The following PRKN variants were observed in gnomAD, a reference collection of about 807,000 sequenced individuals.
The protein encoded by PRKN is parkin RBR E3 ubiquitin protein ligase.
PRKN carries 56 observed loss-of-function variants against 59.5 expected under a neutral mutation model. The observed-to-expected ratio is 0.94, with a 90% CI of 0.76 to 1.18. The LOEUF is 1.18. PRKN is among the 50% of genes most tolerant of loss of function. The pLI is 0.00. For missense variants in PRKN, 657 were observed against 596.4 expected, an observed-to-expected ratio of 1.10 and a Z score of -1.06; for synonymous variants, 250 against 222.1, an observed-to-expected ratio of 1.13 and a Z score of -1.12.
intron 2 of PRKN, among the ~76,000 whole-genome samples, chr6:162,331,260 C>T (rs1406596217): frequency 6.6e-6 from 1 of 152,144 alleles, no homozygotes; most frequent in Non-Finnish European, 1.5e-5. Context: ...AACCAGGCCC[C>T]TCCTCCAGCA....
Position 161,460,593 on chromosome 6 carries a change from G to A in PRKN, c.1084-73716C>T, listed in dbSNP as rs1209036465. Among the ~76,000 whole-genome samples, 1 of 152,062 alleles carries A rather than the reference G, an allele frequency of 6.6e-6. No homozygotes were observed. Among genetic ancestry groups the A allele is most frequent in the Non-Finnish European group, 1.5e-5 (1 of 68,020 alleles). ...GAAGCCCCAGGTGCCACATGTGCTG[G>A]CAGGAGTTCCGGGGGCACAAGGCCA... On this transcript the variant is annotated intron_variant, in intron 9 of 11. Transcript: ENST00000366898. This position sits in a 1 kb window ranked among gnomAD's most constrained non-coding sequence, Gnocchi z 5.0.
At chr6:162,073,075 TC>T (rs571789666) in intron 4 of PRKN, among the ~76,000 whole-genome samples, 59 of 152,210 alleles carry the variant, frequency 3.9e-4, no homozygotes, top group Middle Eastern at 6.8e-3. Context: ...GAGCTCAGGG[TC>T]AAATAAGATA....
intron 7 of PRKN, among the ~76,000 whole-genome samples, chr6:161,596,805 A>G (rs1386291595): frequency 6.6e-6 from 1 of 152,196 alleles, no homozygotes; most frequent in African/African-American, 2.4e-5. Context: ...ATCTTTGCCT[A>G]CACAATAGTT....
At chr6:162,406,062 C>G (rs528991836) in intron 2 of PRKN, among the ~76,000 whole-genome samples, 24 of 152,274 alleles carry the variant, frequency 1.6e-4, no homozygotes, top group African/African-American at 5.8e-4. Flanking sequence ...TCATTTTTCC[C>G]TAGGTATGAT....
At chr6:162,440,307 T>G (rs1460367671) in intron 2 of PRKN, among the ~76,000 whole-genome samples, 1 of 152,176 alleles carries the variant, frequency 6.6e-6, no homozygotes, top group Non-Finnish European at 1.5e-5. Flanking sequence ...ATTATAATCT[T>G]ACAAATACCC....
intron 1 of PRKN, among the ~76,000 whole-genome samples, chr6:162,540,762 G>C (rs1389097941): frequency 6.7e-6 from 1 of 150,046 alleles, no homozygotes; most frequent in Non-Finnish European, 1.5e-5. Flanking sequence ...AGCCGAGATT[G>C]CGCCATTGCA....
At chr6:162,274,521 A>T (rs966111852) in intron 2 of PRKN, among the ~76,000 whole-genome samples, 3 of 152,048 alleles carry the variant, frequency 2.0e-5, no homozygotes, top group Non-Finnish European at 4.4e-5. Flanking sequence ...TAACTAATAT[A>T]TTGTAGTTCT....
At chr6:162,481,391 T>G (rs1792304955) in intron 1 of PRKN, among the ~76,000 whole-genome samples, 1 of 152,182 alleles carries the variant, frequency 6.6e-6, no homozygotes. Context: ...GCTGATACAT[T>G]TTAAGGTTTC....
rs1320602363 is a variant in PRKN, at chr6:161,466,342, G to GT, written c.1084-79466dup. Among the ~76,000 whole-genome samples, 1 of 151,836 alleles carries GT rather than the reference G, an allele frequency of 6.6e-6. No homozygotes were observed. Among genetic ancestry groups the GT allele is most frequent in the African/African-American group, 2.4e-5 (1 of 41,356 alleles). ...ACTTTTAGTAATTTTCTTCACTTAG[G>GT]TTTTTTTTGATCTCAGCTCTCTGAT... On this transcript the variant is annotated intron_variant, in intron 9 of 11. Coordinates refer to ENST00000366898, the MANE Select transcript of PRKN (RefSeq NM_004562.3). This position sits in a 1 kb window ranked among gnomAD's most constrained non-coding sequence, Gnocchi z 5.0.
rs71004055 is a variant in PRKN at position 161,581,041 on chromosome 6, AACACACACACACACAC to A, written c.872-11641_872-11626del. Among the ~76,000 whole-genome samples, 3 of 137,538 alleles carry A rather than the reference AACACACACACACACAC, an allele frequency of 2.2e-5. No individual in the cohort carries two copies. Among genetic ancestry groups the A allele is most frequent in the Non-Finnish European group, 3.1e-5 (2 of 64,424 alleles). 90.2% of individuals were successfully genotyped at this position (137,538 alleles called of 152,430 possible). On this transcript the variant is annotated intron_variant, in intron 7 of 11. Transcript: ENST00000366898. The surrounding 1 kb of genome is among the most constrained non-coding windows in gnomAD (Gnocchi z 4.5). ...ACACAGTGAAATCCTGTCTCTACTA[AACACACACACACACAC>A]ACACACACACACACACACAAAATAG...
intron 9 of PRKN, among the ~76,000 whole-genome samples, chr6:161,452,035 A>G (rs1383862019): frequency 1.4e-5 from 2 of 146,572 alleles, no homozygotes; most frequent in African/African-American, 5.1e-5. Flanking sequence ...GGCTCACTGC[A>G]CCCTCCCCCT....
chr6:161,477,261 T>C (rs1423421304), intron 9 of PRKN, among the ~76,000 whole-genome samples: 1 of 152,216 alleles, frequency 6.6e-6, no homozygotes, highest in Non-Finnish European at 1.5e-5. Flanking sequence ...CTCACGCCTG[T>C]AATCCCAGCA....
At chr6:162,451,663 C>A (rs1184769144) in intron 1 of PRKN, among the ~76,000 whole-genome samples, 2 of 151,794 alleles carry the variant, frequency 1.3e-5, no homozygotes, top group African/African-American at 2.4e-5. Flanking sequence ...AAATTTAATA[C>A]CCAAATGGAG....
At chr6:162,145,872 T>G (rs1782004596) in intron 4 of PRKN, among the ~76,000 whole-genome samples, 1 of 152,174 alleles carries the variant, frequency 6.6e-6, no homozygotes, top group African/African-American at 2.4e-5. Flanking sequence ...GTTACAAAGT[T>G]GCACTTCTAT....
At chr6:162,019,458 C>G (rs1436306861) in intron 5 of PRKN, among the ~76,000 whole-genome samples, 1 of 152,112 alleles carries the variant, frequency 6.6e-6, no homozygotes. Flanking sequence ...AGGCACCGTT[C>G]AAAACAAGTC....
At chr6:161,703,196 T>A (rs192912714) in intron 7 of PRKN, among the ~76,000 whole-genome samples, 5 of 152,056 alleles carry the variant, frequency 3.3e-5, no homozygotes, top group African/African-American at 9.7e-5. Flanking sequence ...TCTAGTTACA[T>A]GGGAGGCTGA....
In PRKN at chr6:162,713,117, T is replaced by G. The variant is rs192435403; in HGVS notation, c.7+14545A>C. 4.6e-5 allele frequency among the ~76,000 whole-genome samples: 7 copies of G among 152,304 alleles called. No homozygotes were observed. The East Asian group carries it at 1.2e-3, about 25-fold the overall frequency. On this transcript the variant is annotated intron_variant, in intron 1 of 11. Transcript: ENST00000366898. ...GCAATATACTTTTTAAATTCCAAAC[T>G]TGATTTCAAAAAGTAGAATCAATCA...
At chr6:161,375,737 C>G (rs1785668632) in intron 10 of PRKN, among the ~76,000 whole-genome samples, 1 of 152,226 alleles carries the variant, frequency 6.6e-6, no homozygotes. Context: ...CGCACACAAG[C>G]TGAGTGCCTT....
intron 1 of PRKN, among the ~76,000 whole-genome samples, chr6:162,563,194 C>T (rs1359908308): frequency 6.6e-6 from 1 of 152,104 alleles, no homozygotes; most frequent in Non-Finnish European, 1.5e-5. Flanking sequence ...GTCCCAGCTA[C>T]TCGGGAGGCT....
Sources: gnomAD v4.1 joint callset for allele counts (sites outside exome capture counted in the v4.1 genomes callset) on GRCh38, gnomAD v4.1.1 for gene constraint, Gnocchi (gnomAD v3.1) non-coding constraint, MANE v1.5 for transcripts, NCBI Gene and HGNC (gene_info 2026-07-23, HGNC 2026-07-21) for gene names.